Variants in SIRPB1 observed in about 807,000 individuals in gnomAD.
SIRPB1 encodes signal regulatory protein beta 1.
In SIRPB1, 28 loss-of-function variants were observed where a neutral mutation model predicts 34.1. That is an observed-to-expected ratio of 0.82 (90% confidence interval 0.61 to 1.12). The LOEUF is 1.12. Ranked by LOEUF, SIRPB1 falls within the 50% of genes most tolerant of loss-of-function variation. The pLI is 0.00. For missense variants in SIRPB1, 499 were observed against 507.0 expected, an observed-to-expected ratio of 0.98 and a Z score of 0.15; for synonymous variants, 211 against 203.8, an observed-to-expected ratio of 1.04 and a Z score of -0.30.
intron 4 of SIRPB1, among the ~76,000 whole-genome samples, chr20:1,568,827 A>G (rs985216282): frequency 5.9e-5 from 9 of 152,300 alleles, no homozygotes; most frequent in South Asian, 2.1e-4. Context: ...TAAAAAAAAA[A>G]AGAGAGAAGA....
rs770422921 is a variant in SIRPB1, at chr20:1,603,828, C to T, written c.76+16041G>A. The T allele has an allele frequency of 3.3e-6, 2 of 600,640 alleles. 1 individual carries two copies. Among genetic ancestry groups the T allele is most frequent in the Admixed American group, 6.3e-5 (2 of 31,876 alleles). 37.2% of individuals were successfully genotyped at this position (600,640 alleles called of 1,614,324 possible). A position where few individuals can be genotyped will look rare whatever the true frequency, so the allele number is the denominator to read the frequency against. ...ACCTTACCAGGAGCAGTATTTGAGC[C>T]CTGCTCCTTCGGGTGGGCTGAGACC... On this transcript the variant is annotated intron_variant, in intron 1 of 5. Transcript: ENST00000381605.
chr20:1,617,958 C>T (rs912956879), intron 1 of SIRPB1, among the ~76,000 whole-genome samples: 44 of 152,090 alleles, frequency 2.9e-4, no homozygotes, highest in Non-Finnish European at 6.5e-4. Flanking sequence ...TGTATACACA[C>T]ATTTGCAAAT....
intron 4 of SIRPB1, among the ~76,000 whole-genome samples, chr20:1,569,604 C>T (rs1242798835): frequency 6.6e-6 from 1 of 152,228 alleles, no homozygotes; most frequent in East Asian, 1.9e-4. Flanking sequence ...CGTGACTCAG[C>T]ACTGACCCAG....
Position 1,610,493 on chromosome 20 carries a change from C to T in SIRPB1, c.76+9376G>A, listed in dbSNP as rs543595076. 6.6e-4 allele frequency among the ~76,000 whole-genome samples: 48 copies of T among 72,244 alleles called. 22 individuals are homozygous for T. The highest frequency in any genetic ancestry group is 4.1e-3 in the African/African-American group (47 of 11,334). 47.4% of individuals were successfully genotyped at this position (72,244 alleles called of 152,430 possible). On this transcript the variant is annotated intron_variant, in intron 1 of 5. Transcript: ENST00000381605. The stretch of plus-strand genomic sequence containing the variant: ...ACATTCCATAATTCAGGACTTAGGA[C>T]GAAGCTCTTGGGCCTCTGGGAGGAA...
rs201575883 is a variant in SIRPB1 at position 1,604,800 on chromosome 20, G to A, written c.76+15069C>T. ...GAAGAGGGTCCCCCTGCAAGGTGAC[G>A]TGGGCCACCTCGCAGATGACTTGAG... On this transcript the variant is annotated intron_variant, in intron 1 of 5. Coordinates refer to ENST00000381605, the MANE Select transcript of SIRPB1 (RefSeq NM_006065.5). 2.9e-4 allele frequency: 185 copies of A among 632,582 alleles called. 80 individuals carry two copies. The Middle Eastern group carries it at 6.7e-3, about 23-fold the overall frequency. The allele number at this position is 632,582 out of a possible 1,614,324, so 39.2% of individuals were successfully genotyped here. A position where few individuals can be genotyped will look rare whatever the true frequency, so the allele number is the denominator to read the frequency against.
At chr20:1,567,560 G>C (rs1476894353) in intron 4 of SIRPB1, among the ~76,000 whole-genome samples, 5 of 152,202 alleles carry the variant, frequency 3.3e-5, no homozygotes. Flanking sequence ...CTGGAAAGAA[G>C]ACTCTAAAAT....
rs541143515 is a variant in SIRPB1 at position 1,585,533 on chromosome 20, A to G, written c.77-6839T>C. 4.1e-5 allele frequency among the ~76,000 whole-genome samples: 2 copies of G among 49,008 alleles called. 1 individual carries two copies. The highest frequency in any genetic ancestry group is 2.7e-4 in the Admixed American group (2 of 7,342). 32.2% of individuals were successfully genotyped at this position (49,008 alleles called of 152,430 possible). On this transcript the variant is annotated intron_variant, in intron 1 of 5. Coordinates refer to ENST00000381605, the MANE Select transcript of SIRPB1 (RefSeq NM_006065.5). ...ATGCAAATTAAAACCACAGTGAGCTATCATCTCACGCTTGTTAGAATAACT... is the reference window on the plus strand; with the variant it reads ...ATGCAAATTAAAACCACAGTGAGCTGTCATCTCACGCTTGTTAGAATAACT...
intron 1 of SIRPB1, among the ~76,000 whole-genome samples, chr20:1,579,207 C>T (rs796946129): frequency 4.7e-5 from 7 of 148,376 alleles, no homozygotes; most frequent in African/African-American, 1.7e-4. Flanking sequence ...CTGCCTTGGC[C>T]TTTCAAATTG....
intron 2 of SIRPB1, 61 bp from the exon 3 acceptor site, chr20:1,572,098 C>T (rs1415543431): frequency 6.2e-6 from 10 of 1,609,502 alleles, no homozygotes; most frequent in African/African-American, 1.3e-5. Context: ...TGATGATAAG[C>T]GTTTGACATG....
At chr20:1,568,491 C>A (rs922239403) in intron 4 of SIRPB1, among the ~76,000 whole-genome samples, 1 of 152,232 alleles carries the variant, frequency 6.6e-6, no homozygotes, top group Non-Finnish European at 1.5e-5. Flanking sequence ...AGAAAAGACT[C>A]AACCTTGTCC....
chr20:1,573,432 A>T (rs2122203106), intron 2 of SIRPB1, among the ~76,000 whole-genome samples: 1 of 86,408 alleles, frequency 1.2e-5, no homozygotes, highest in Admixed American at 1.2e-4. Flanking sequence ...GTGTCTGCAA[A>T]TTGCTAATTG....
Position 1,569,704 on chromosome 20 carries a change from T to C in SIRPB1, c.1084+1101A>G, listed in dbSNP as rs573007532. ...GCCTCAGGGCAGAAAGAATAGAAGA[T>C]TGGGCCCCAGCCATCATTAGAAGAG... On this transcript the variant is annotated intron_variant, in intron 4 of 5. Transcript: ENST00000381605. Among the ~76,000 whole-genome samples the C allele has an allele frequency of 2.0e-5, 3 of 152,350 alleles. No individual in the cohort carries two copies. In the East Asian group the frequency reaches 5.8e-4, roughly 29 times the overall value.
At position 1,578,528 on chromosome 20, in the gene SIRPB1, C is replaced by T. The variant is rs766283559; in HGVS notation, c.243G>A (p.Gln81=). 6.3e-7 allele frequency: 1 copy of T among 1,583,872 alleles called. No homozygotes were observed. Among genetic ancestry groups the T allele is most frequent in the African/African-American group, 1.4e-5 (1 of 73,902 alleles). The part of the protein sequence containing the change: ...AGAGRELIYN[Q]KEGHFPRVTT... ...TTACCCGTGGGAAGTGGCCTTCTTT[C>T]TGATTGTAGATTAATTCCCGGCCTG... The change falls in exon 2 of 6, where the codon CAG becomes CAA. Residue 81 remains glutamine, a synonymous_variant. Transcript: ENST00000381605.
rs187481362 is a variant in SIRPB1, at chr20:1,563,216, A to G, written c.*2284T>C. Among the ~76,000 whole-genome samples the G allele has an allele frequency of 1.6e-3, 242 of 152,346 alleles. 1 individual carries two copies. Among genetic ancestry groups the G allele is most frequent in the Non-Finnish European group, 2.9e-3 (199 of 68,030 alleles). ...ATAATAGAAATGATGCTTGCTGGCTAGGCATGGTGGCTCATGCCTGTAATC... is the reference window on the plus strand; with the variant it reads ...ATAATAGAAATGATGCTTGCTGGCTGGGCATGGTGGCTCATGCCTGTAATC... On this transcript the variant is annotated 3_prime_UTR_variant, in exon 6 of 6. Transcript: ENST00000381605.
Position 1,578,352 on chromosome 20 carries a change from T to C in SIRPB1, c.419A>G (p.Glu140Gly), listed in dbSNP as rs754555955. 1.8e-5 allele frequency: 28 copies of C among 1,585,950 alleles called. 6 individuals carry two copies. The highest frequency in any genetic ancestry group is 3.4e-4 in the Middle Eastern group (2 of 5,914). The change falls in exon 2 of 6, where the codon GAG becomes GGG. Residue 140 changes from glutamate (E) to glycine (G), a missense_variant. Coordinates refer to ENST00000381605, the MANE Select transcript of SIRPB1 (RefSeq NM_006065.5). ...DVEFKSGAGT[E>G]LSVRAKPSAP... ...GCTGTACTCACCGCGCACAGACAGCTCAGTGCCTGCTCCAGACTTAAACTC... is the reference window on the plus strand; with the variant it reads ...GCTGTACTCACCGCGCACAGACAGCCCAGTGCCTGCTCCAGACTTAAACTC...
In SIRPB1 at chr20:1,562,385, C is replaced by A. The variant is rs2122143742; in HGVS notation, c.*3115G>T. ...TTCACTCATTTAAAAAAATTGACAGCCTATTATATGGCAGACACAGTTCTG... is the reference window on the plus strand; with the variant it reads ...TTCACTCATTTAAAAAAATTGACAGACTATTATATGGCAGACACAGTTCTG... On this transcript the variant is annotated 3_prime_UTR_variant, in exon 6 of 6. Coordinates refer to ENST00000381605, the MANE Select transcript of SIRPB1 (RefSeq NM_006065.5). Among the ~76,000 whole-genome samples the A allele has an allele frequency of 6.6e-6, 1 of 152,200 alleles. No homozygotes were observed. Among genetic ancestry groups the A allele is most frequent in the East Asian group, 1.9e-4 (1 of 5,180 alleles).
intron 1 of SIRPB1, among the ~76,000 whole-genome samples, chr20:1,609,857 C>T (rs1169630714): frequency 1.4e-5 from 1 of 72,530 alleles, no homozygotes; most frequent in African/African-American, 8.7e-5. Flanking sequence ...GCAATATTCT[C>T]AAATATGAAA....
At chr20:1,601,837 G>T (rs1358492593) in intron 1 of SIRPB1, among the ~76,000 whole-genome samples, 1 of 48,414 alleles carries the variant, frequency 2.1e-5, no homozygotes, top group Non-Finnish European at 3.9e-5. Context: ...GAACTTCCAA[G>T]GTGAAAAAGG....
In SIRPB1 at chr20:1,571,233, C is replaced by A. The variant is rs1051954828; in HGVS notation, c.752-96G>T. 3.1e-6 allele frequency: 4 copies of A among 1,275,218 alleles called. No individual in the cohort carries two copies. In the African/African-American group the frequency reaches 5.9e-5, roughly 19 times the overall value. The allele number at this position is 1,275,218 out of a possible 1,614,324, so 79.0% of individuals were successfully genotyped here. A position where few individuals can be genotyped will look rare whatever the true frequency, so the allele number is the denominator to read the frequency against. On this transcript the variant is annotated intron_variant, in intron 3 of 5. Transcript: ENST00000381605. ...GCTCCCACCAACACAGTGAGGGCAT[C>A]ACCAGGACAGTGCTAGGCAGGCAGC...
Sources: allele counts gnomAD v4.1 joint callset (sites outside exome capture counted in the v4.1 genomes callset), GRCh38; gene constraint gnomAD v4.1.1; transcripts MANE v1.5; gene names NCBI Gene and HGNC (gene_info 2026-07-23, HGNC 2026-07-21).